CNTNAP2: variants seen among roughly 807,000 people sequenced by gnomAD.
The protein encoded by CNTNAP2 is contactin associated protein 2.
A neutral mutation model predicts 155.2 loss-of-function variants in CNTNAP2; 98 were observed. The observed-to-expected ratio is 0.63, with a 90% confidence interval of 0.54 to 0.75. CNTNAP2 has a LOEUF of 0.75. Ranked by LOEUF, CNTNAP2 falls within the 30% of genes least tolerant of loss-of-function variation. CNTNAP2 has a pLI of 0.00. For missense variants in CNTNAP2, 1,727 were observed against 1,688.1 expected, an observed-to-expected ratio of 1.02 and a Z score of -0.40; for synonymous variants, 651 against 631.2, an observed-to-expected ratio of 1.03 and a Z score of -0.47.
In CNTNAP2 at chr7:146,419,992, T is replaced by C. The variant is rs377538602; in HGVS notation, c.97+303019T>C. On this transcript the variant is annotated intron_variant, in intron 1 of 23. Transcript: ENST00000361727. ...TACAGATAAGGCCTGCAAAAGTCTT[T>C]CCATATAAAAAAAGGAAATACTTTA... 3.3e-5 allele frequency among the ~76,000 whole-genome samples: 5 copies of C among 152,200 alleles called. No individual in the cohort carries two copies. In the East Asian group the frequency reaches 9.6e-4, roughly 29 times the overall value.
chr7:147,026,256 T>A (rs1798917102), intron 3 of CNTNAP2, among the ~76,000 whole-genome samples: 1 of 152,212 alleles, frequency 6.6e-6, no homozygotes, highest in South Asian at 2.1e-4. Context: ...GAAAGCATTA[T>A]AATGCACAGG....
rs192361171 is a variant in CNTNAP2 at position 146,150,135 on chromosome 7, G to T, written c.97+33162G>T. Among the ~76,000 whole-genome samples, 644 of 152,192 alleles carry T rather than the reference G, an allele frequency of 4.2e-3. 3 individuals carry two copies. Among genetic ancestry groups the T allele is most frequent in the African/African-American group, 0.015 (608 of 41,544 alleles). Reference sequence around the variant, plus strand: ...ATTTGCACTGTTTACAAAGATAAATGTCTGATAAGCACAAAACATTTAATG... The same window carrying T: ...ATTTGCACTGTTTACAAAGATAAATTTCTGATAAGCACAAAACATTTAATG... On this transcript the variant is annotated intron_variant, in intron 1 of 23. Transcript: ENST00000361727.
chr7:147,709,681 G>A (rs2117014251), intron 13 of CNTNAP2, among the ~76,000 whole-genome samples: 1 of 152,250 alleles, frequency 6.6e-6, no homozygotes, highest in East Asian at 1.9e-4. Context: ...AGAGTCCCTA[G>A]AAAATAGATG....
chr7:146,721,875 G>GTGTGTGTGTATATATATATATATATATA (rs1332551916), intron 1 of CNTNAP2, among the ~76,000 whole-genome samples: 1 of 76,702 alleles, frequency 1.3e-5, no homozygotes, highest in African/African-American at 1.8e-4. Flanking sequence ...GTGTGTGTGT[G>GTGTGTGTGTATATATATATATATATATA]TATATATATA....
Position 147,661,979 on chromosome 7 carries a change from AC to A in CNTNAP2, c.2098+22675del, listed in dbSNP as rs533180050. On this transcript the variant is annotated intron_variant, in intron 13 of 23. Coordinates refer to ENST00000361727, the MANE Select transcript of CNTNAP2 (RefSeq NM_014141.6). Reference sequence around the variant, plus strand: ...CCCTTCCTTTGTCTCTAATAAAATTACCAAGGACCTCTCCTTAAGTAGTCTA... The same window carrying A: ...CCCTTCCTTTGTCTCTAATAAAATTACAAGGACCTCTCCTTAAGTAGTCTA... Among the ~76,000 whole-genome samples the A allele has an allele frequency of 1.3e-4, 20 of 152,272 alleles. No individual in the cohort carries two copies. The East Asian group carries it at 3.9e-3, about 29-fold the overall frequency.
chr7:148,379,569 G>A (rs147307314), intron 21 of CNTNAP2, among the ~76,000 whole-genome samples: 12 of 152,102 alleles, frequency 7.9e-5, no homozygotes, highest in Middle Eastern at 3.4e-3. Context: ...AAAATTAGTC[G>A]GGCATGGTAG....
chr7:146,872,268 A>G (rs1464483256), intron 3 of CNTNAP2, among the ~76,000 whole-genome samples: 1 of 149,102 alleles, frequency 6.7e-6, no homozygotes, highest in Non-Finnish European at 1.5e-5. Context: ...TATATAGACC[A>G]CCCCCCAAAA....
chr7:147,863,255 G>T (rs1438745517), intron 13 of CNTNAP2, among the ~76,000 whole-genome samples: 1 of 152,122 alleles, frequency 6.6e-6, no homozygotes, highest in Non-Finnish European at 1.5e-5. Flanking sequence ...CAAAGAACAT[G>T]AACTCATCCT....
chr7:147,338,148 A>C (rs535154441), intron 9 of CNTNAP2, among the ~76,000 whole-genome samples: 5 of 152,228 alleles, frequency 3.3e-5, no homozygotes, highest in Admixed American at 2.6e-4. Context: ...GGAAACTTAC[A>C]ATCATGGTGG....
intron 1 of CNTNAP2, among the ~76,000 whole-genome samples, chr7:146,690,570 G>C (rs1353610406): frequency 6.6e-6 from 1 of 152,078 alleles, no homozygotes; most frequent in Non-Finnish European, 1.5e-5. Flanking sequence ...ACTCTTTAAT[G>C]GCCTCATTTG....
chr7:146,993,035 C>T (rs1276099088), intron 3 of CNTNAP2, among the ~76,000 whole-genome samples: 3 of 152,072 alleles, frequency 2.0e-5, no homozygotes, highest in Admixed American at 2.0e-4. Flanking sequence ...TTGCCTCCTC[C>T]AAAGAAAGAA....
rs181207102 is a variant in CNTNAP2, at chr7:147,574,361, G to T, written c.1897+12104G>T. Reference sequence around the variant, plus strand: ...TGTGTGTTTATTATTACGAGTGGGAGGGTCTTGTTGACTTGGAGCTTTACT... The same window carrying T: ...TGTGTGTTTATTATTACGAGTGGGATGGTCTTGTTGACTTGGAGCTTTACT... On this transcript the variant is annotated intron_variant, in intron 12 of 23. Transcript: ENST00000361727. Among the ~76,000 whole-genome samples, 165 of 152,156 alleles carry T rather than the reference G, an allele frequency of 1.1e-3. 1 individual carries two copies. The highest frequency in any genetic ancestry group is 3.5e-3 in the African/African-American group (147 of 41,524).
At chr7:146,559,490 C>G (rs952535412) in intron 1 of CNTNAP2, among the ~76,000 whole-genome samples, 1 of 151,856 alleles carries the variant, frequency 6.6e-6, no homozygotes, top group Non-Finnish European at 1.5e-5. Flanking sequence ...ATCACTTGAA[C>G]CCGGGAGTGC....
chr7:147,364,091 C>T (rs2116900836), intron 9 of CNTNAP2, among the ~76,000 whole-genome samples: 1 of 152,260 alleles, frequency 6.6e-6, no homozygotes, highest in Non-Finnish European at 1.5e-5. Context: ...TTATGGTTAA[C>T]AGATTTTAAG....
At chr7:146,716,411 A>T (rs1438638702) in intron 1 of CNTNAP2, among the ~76,000 whole-genome samples, 1 of 152,152 alleles carries the variant, frequency 6.6e-6, no homozygotes, top group Admixed American at 6.6e-5. Flanking sequence ...ACCCTAAAAC[A>T]GTATTTGGCC....
At chr7:146,487,782 G>T (rs1797078630) in intron 1 of CNTNAP2, among the ~76,000 whole-genome samples, 1 of 152,180 alleles carries the variant, frequency 6.6e-6, no homozygotes. Flanking sequence ...GGTACTTAAA[G>T]AAGCGCAGTG....
At chr7:146,869,511 A>G (rs2129206916) in intron 3 of CNTNAP2, among the ~76,000 whole-genome samples, 1 of 152,218 alleles carries the variant, frequency 6.6e-6, no homozygotes, top group South Asian at 2.1e-4. Context: ...GACTCACATG[A>G]TCACAAGGTG....
intron 3 of CNTNAP2, among the ~76,000 whole-genome samples, chr7:146,872,529 A>G (rs1051950371): frequency 1.3e-5 from 2 of 152,190 alleles, no homozygotes; most frequent in South Asian, 4.1e-4. Flanking sequence ...TGAGTTTCTT[A>G]TCAAGCCAAT....
intron 13 of CNTNAP2, among the ~76,000 whole-genome samples, chr7:147,864,243 T>G (rs1458727684): frequency 6.6e-6 from 1 of 152,192 alleles, no homozygotes; most frequent in Non-Finnish European, 1.5e-5. Context: ...GTTATAGATG[T>G]GTGGTGTTAT....
Sources: allele counts gnomAD v4.1 joint callset (sites outside exome capture counted in the v4.1 genomes callset), GRCh38; gene constraint gnomAD v4.1.1; transcripts MANE v1.5; gene names NCBI Gene and HGNC (gene_info 2026-07-23, HGNC 2026-07-21).